Variants in RAB30 observed in about 807,000 individuals in gnomAD.
RAB30 encodes the protein RAB30, member RAS oncogene family, also known as ras-related protein Rab-30.
RAB30 carries 9 observed loss-of-function variants against 25.1 expected under a neutral mutation model. The observed-to-expected ratio is 0.36, with a 90% confidence interval of 0.22 to 0.63. RAB30 has a LOEUF of 0.63. Ranked by LOEUF, RAB30 falls within the 20% of genes least tolerant of loss-of-function variation. The pLI, the probability that RAB30 is intolerant of heterozygous loss-of-function variation, is 0.69. For missense variants in RAB30, 140 were observed against 243.5 expected, an observed-to-expected ratio of 0.58 and a Z score of 2.83; for synonymous variants, 77 against 86.4, an observed-to-expected ratio of 0.89 and a Z score of 0.60.
chr11:83,006,679 TA>T (rs558420240), intron 1 of RAB30, among the ~76,000 whole-genome samples: 26 of 151,776 alleles, frequency 1.7e-4, no homozygotes, highest in Non-Finnish European at 3.2e-4. Flanking sequence ...AGGCCCTGTT[TA>T]AAAAAAAATC....
intron 3 of RAB30, among the ~76,000 whole-genome samples, chr11:82,989,300 A>G (rs548625253): frequency 6.6e-6 from 1 of 152,286 alleles, no homozygotes; most frequent in Non-Finnish European, 1.5e-5. Context: ...TCTGTATCCA[A>G]AGAGGATGAA....
In RAB30 at chr11:82,978,508, AT is replaced by A. The variant is rs1856584711; in HGVS notation, c.*3656del. 6 of 122,884 alleles carry A rather than the reference AT, an allele frequency of 4.9e-5. No homozygotes were observed. The highest frequency in any genetic ancestry group is 2.5e-4 in the South Asian group (1 of 3,978). 7.6% of individuals were successfully genotyped at this position (122,884 alleles called of 1,614,324 possible). A position where few individuals can be genotyped will look rare whatever the true frequency, so the allele number is the denominator to read the frequency against. On this transcript the variant is annotated 3_prime_UTR_variant, in exon 5 of 5. Coordinates refer to ENST00000527633, the MANE Select transcript of RAB30 (RefSeq NM_001286060.2). ...TTGATATGCAAAAAAAAAAAAAAAG[AT>A]TTTTTTCTGATTGTGCTATTTCATT...
chr11:82,982,637 G>A (rs1182330546), intron 4 of RAB30, among the ~76,000 whole-genome samples: 2 of 152,170 alleles, frequency 1.3e-5, no homozygotes, highest in African/African-American at 4.8e-5. Flanking sequence ...GCCAAGGCGG[G>A]TGGATCACCA....
At chr11:83,023,464 G>C (rs892724805) in intron 1 of RAB30, among the ~76,000 whole-genome samples, 5 of 152,164 alleles carry the variant, frequency 3.3e-5, no homozygotes, top group Non-Finnish European at 7.3e-5. Flanking sequence ...CTGTCTTGCT[G>C]ATTTACCTGC....
chr11:82,993,968 T>A, intron 3 of RAB30, 71 bp downstream of exon 3: 1 of 1,200,476 alleles, frequency 8.3e-7, no homozygotes, highest in Non-Finnish European at 1.2e-6. Context: ...TAATAAATGG[T>A]TATGAAAGCA....
intron 1 of RAB30, among the ~76,000 whole-genome samples, chr11:83,066,637 G>A (rs1041775231): frequency 1.3e-5 from 2 of 152,142 alleles, no homozygotes; most frequent in South Asian, 2.1e-4. Flanking sequence ...AGCAGCTTCC[G>A]CCTCCTGGGT....
intron 1 of RAB30, among the ~76,000 whole-genome samples, chr11:83,064,050 T>C (rs1236435127): frequency 6.6e-6 from 1 of 152,200 alleles, no homozygotes; most frequent in African/African-American, 2.4e-5. Context: ...GTGGGTAGAA[T>C]TAAAGAGGAC....
At chr11:83,062,917 C>A (rs1305523358) in intron 1 of RAB30, among the ~76,000 whole-genome samples, 1 of 151,238 alleles carries the variant, frequency 6.6e-6, no homozygotes, top group East Asian at 1.9e-4. Context: ...GCAAGAGAAT[C>A]GCTTGAACCC....
chr11:82,982,804 G>A (rs952862259), intron 4 of RAB30, among the ~76,000 whole-genome samples: 5 of 152,188 alleles, frequency 3.3e-5, no homozygotes, highest in Non-Finnish European at 7.3e-5. Context: ...AGAGGTTGCA[G>A]TGAGTCGAGA....
chr11:83,020,096 C>A (rs544454110), intron 1 of RAB30, among the ~76,000 whole-genome samples: 90 of 152,372 alleles, frequency 5.9e-4, no homozygotes, highest in Non-Finnish European at 9.6e-4. Context: ...GGTGCCACTG[C>A]AGCTACACAA....
At chr11:83,048,109 C>T (rs773663059) in intron 1 of RAB30, among the ~76,000 whole-genome samples, 10 of 152,030 alleles carry the variant, frequency 6.6e-5, no homozygotes, top group Non-Finnish European at 1.3e-4. Flanking sequence ...CACTTCTCTC[C>T]ACAAGGCCCC....
intron 2 of RAB30, among the ~76,000 whole-genome samples, chr11:82,995,803 A>C (rs1357794044): frequency 6.6e-6 from 1 of 152,114 alleles, no homozygotes; most frequent in East Asian, 1.9e-4. Flanking sequence ...TAGCCTTGCC[A>C]CTCTATCTAA....
intron 1 of RAB30, among the ~76,000 whole-genome samples, chr11:83,070,852 C>A (rs1858823357): frequency 6.6e-6 from 1 of 152,224 alleles, no homozygotes; most frequent in African/African-American, 2.4e-5. Context: ...CCCCTCTTCC[C>A]TAATCGATCT....
chr11:83,026,898 T>C (rs570753443), intron 1 of RAB30, among the ~76,000 whole-genome samples: 76 of 152,296 alleles, frequency 5.0e-4, no homozygotes, highest in African/African-American at 1.8e-3. Context: ...CAAGTAGTAA[T>C]TGACTTAGCA....
chr11:83,020,431 A>C (rs1236839790), intron 1 of RAB30, among the ~76,000 whole-genome samples: 3 of 152,224 alleles, frequency 2.0e-5, no homozygotes, highest in Non-Finnish European at 4.4e-5. Flanking sequence ...CAAACATGGG[A>C]AAAAGCCAAG....
chr11:83,000,075 G>A (rs1248281456), intron 1 of RAB30, among the ~76,000 whole-genome samples: 5 of 152,066 alleles, frequency 3.3e-5, no homozygotes, highest in Admixed American at 6.6e-5. Flanking sequence ...ACCCTATGAG[G>A]GGGACGCTAT....
chr11:83,030,510 T>A (rs1857831375), intron 1 of RAB30, among the ~76,000 whole-genome samples: 1 of 151,854 alleles, frequency 6.6e-6, no homozygotes, highest in Non-Finnish European at 1.5e-5. Context: ...AAAAAAGTCT[T>A]TTTTTGGCTG....
At chr11:83,033,055 C>CTTTTTTT (rs71463144) in intron 1 of RAB30, among the ~76,000 whole-genome samples, 2 of 77,864 alleles carry the variant, frequency 2.6e-5, no homozygotes, top group African/African-American at 5.1e-5. Flanking sequence ...GCCTCAAATT[C>CTTTTTTT]TTTTTTTTTT....
Position 82,976,198 on chromosome 11 carries a change from CTTTGT to C in RAB30, c.*5962_*5966del, listed in dbSNP as rs1856543455. On this transcript the variant is annotated 3_prime_UTR_variant, in exon 5 of 5. Transcript: ENST00000527633. ...CTTTTCTTTGAAGCCAGGAAAGTTT[CTTTGT>C]TTTGTCTCTTAAGGATCTACACTTG... 1 of 133,642 alleles carries C rather than the reference CTTTGT, an allele frequency of 7.5e-6. No individual in the cohort carries two copies. The highest frequency in any genetic ancestry group is 1.7e-5 in the Non-Finnish European group (1 of 59,828). The allele number at this position is 133,642 out of a possible 1,614,324, so 8.3% of individuals were successfully genotyped here.
Sources: allele counts gnomAD v4.1 joint callset (sites outside exome capture counted in the v4.1 genomes callset), GRCh38; gene constraint gnomAD v4.1.1; transcripts MANE v1.5; gene names NCBI Gene and HGNC (gene_info 2026-07-23, HGNC 2026-07-21).